Variants in RECK observed in about 807,000 individuals in gnomAD.
RECK encodes reversion-inducing cysteine-rich protein with Kazal motifs.
In RECK, 69 loss-of-function variants were observed where a neutral mutation model predicts 115.1. That is an observed-to-expected ratio of 0.60 (90% CI 0.49 to 0.73). The LOEUF is 0.73. Among genes scored for constraint, RECK ranks in the 30% least tolerant of loss-of-function variants. The pLI is 0.00. For missense variants in RECK, 1,047 were observed against 1,203.7 expected (o/e 0.87, Z 1.93); for synonymous variants, 414 against 419.7 (o/e 0.99, Z 0.17).
intron 3 of RECK, 107 bp downstream of exon 3, chr9:36,059,008 C>A: frequency 3.2e-6 from 2 of 626,022 alleles, no homozygotes; most frequent in African/African-American, 1.9e-5. Context: ...AATTTGTGGT[C>A]AAAATAAAAT....
chr9:36,107,105 C>CA (rs34425685), intron 13 of RECK, among the ~76,000 whole-genome samples: 3,773 of 82,136 alleles, frequency 0.046, 173 homozygotes, highest in African/African-American at 0.11. Flanking sequence ...GACTCCGTCT[C>CA]AAAAAAAAAA....
Position 36,037,120 on chromosome 9 carries a change from G to T in RECK, c.100+22G>T, listed in dbSNP as rs777450469. 6.0e-5 allele frequency: 76 copies of T among 1,270,968 alleles called. 1 individual carries two copies. Among genetic ancestry groups the T allele is most frequent in the South Asian group, 2.7e-5 (1 of 36,956 alleles). 78.7% of individuals were successfully genotyped at this position (1,270,968 alleles called of 1,614,324 possible). On this transcript the variant is annotated intron_variant, in intron 1 of 20. Transcript: ENST00000377966. ...GCGGGTGAGTAACCTCCAGAGCAAC[G>T]GTTCGAAGCTGTCGGGAGCGGCCGC...
At chr9:36,122,579 C>T (rs140772140) in intron 20 of RECK, among the ~76,000 whole-genome samples, 351 of 152,328 alleles carry the variant, frequency 2.3e-3, no homozygotes, top group African/African-American at 8.1e-3. Context: ...GCTAGGATTA[C>T]AGGCATGAGC....
chr9:36,072,527 C>T (rs538380408), intron 6 of RECK, among the ~76,000 whole-genome samples: 34 of 152,312 alleles, frequency 2.2e-4, no homozygotes, highest in African/African-American at 8.2e-4. Context: ...TCGTGTGATA[C>T]TTTGCCCCAG....
chr9:36,086,509 G>A (rs1822966778), intron 8 of RECK, among the ~76,000 whole-genome samples: 1 of 152,074 alleles, frequency 6.6e-6, no homozygotes, highest in Non-Finnish European at 1.5e-5. Flanking sequence ...AGAGTGAGCA[G>A]CAACAAGATT....
chr9:36,104,324 ATATTTTTTTT>A (rs1823708559), intron 12 of RECK, among the ~76,000 whole-genome samples: 1 of 50,210 alleles, frequency 2.0e-5, no homozygotes, highest in Non-Finnish European at 3.0e-5. Flanking sequence ...ATATATATAT[ATATTTTTTTT>A]TTTTTTTTTT....
intron 11 of RECK, among the ~76,000 whole-genome samples, chr9:36,101,738 G>T (rs553222332): frequency 8.5e-5 from 13 of 152,326 alleles, no homozygotes; most frequent in African/African-American, 2.4e-4. Flanking sequence ...AAAGAGGCAA[G>T]CAAGCAAACA....
chr9:36,088,877 G>A (rs982847921), intron 9 of RECK, among the ~76,000 whole-genome samples: 8 of 152,196 alleles, frequency 5.3e-5, no homozygotes, highest in African/African-American at 1.4e-4. Flanking sequence ...AAAATTTAGC[G>A]GGGCGTGGTG....
intron 9 of RECK, among the ~76,000 whole-genome samples, chr9:36,089,967 TACACACACACACAC>T (rs55678229): frequency 1.4e-5 from 2 of 143,798 alleles, no homozygotes; most frequent in African/African-American, 5.2e-5. Flanking sequence ...CTACTAAAAA[TACACACACACACAC>T]ACACACACAC....
chr9:36,080,236 A>G (rs558553280), intron 6 of RECK, among the ~76,000 whole-genome samples: 1 of 152,358 alleles, frequency 6.6e-6, no homozygotes, highest in South Asian at 2.1e-4. Context: ...CAGTGGTTAC[A>G]TGAAATATAT....
intron 10 of RECK, among the ~76,000 whole-genome samples, chr9:36,100,052 G>T (rs1823503671): frequency 6.6e-6 from 1 of 152,186 alleles, no homozygotes; most frequent in Admixed American, 6.5e-5. Context: ...TTTATGAAAT[G>T]AAATGGGATA....
intron 2 of RECK, among the ~76,000 whole-genome samples, chr9:36,056,077 C>G (rs149280048): frequency 2.0e-5 from 3 of 150,486 alleles, no homozygotes; most frequent in Admixed American, 2.0e-4. Context: ...GTAATAAACC[C>G]CCATATTCAG....
intron 1 of RECK, among the ~76,000 whole-genome samples, chr9:36,051,661 T>A (rs897868300): frequency 2.0e-5 from 3 of 152,218 alleles, no homozygotes; most frequent in African/African-American, 7.2e-5. Context: ...TCTCAGATGT[T>A]ACTCTTCTTT....
chr9:36,072,386 A>T (rs1822265505), intron 6 of RECK, among the ~76,000 whole-genome samples: 2 of 152,216 alleles, frequency 1.3e-5, no homozygotes, highest in African/African-American at 4.8e-5. Flanking sequence ...CCTAAGCTTC[A>T]GTGTGATTGG....
At chr9:36,096,877 T>C (rs1164680770) in intron 10 of RECK, among the ~76,000 whole-genome samples, 1 of 151,996 alleles carries the variant, frequency 6.6e-6, no homozygotes, top group Non-Finnish European at 1.5e-5. Flanking sequence ...GGTCAAGTCA[T>C]AGACTTGAGA....
At chr9:36,098,154 G>GT (rs1361733027) in intron 10 of RECK, among the ~76,000 whole-genome samples, 1 of 152,200 alleles carries the variant, frequency 6.6e-6, no homozygotes, top group Non-Finnish European at 1.5e-5. Flanking sequence ...GTTATACAAT[G>GT]TGGTAACTAT....
chr9:36,064,221 A>G (rs1052069780), intron 5 of RECK, among the ~76,000 whole-genome samples: 1 of 152,202 alleles, frequency 6.6e-6, no homozygotes, highest in Non-Finnish European at 1.5e-5. Flanking sequence ...CTTGGATGAG[A>G]ACATTTGACA....
In RECK at chr9:36,124,282, G is replaced by A. The variant is rs953436046; in HGVS notation, c.*1237G>A. On this transcript the variant is annotated 3_prime_UTR_variant, in exon 21 of 21. Transcript: ENST00000377966. Reference sequence around the variant, plus strand: ...TTATATGTACCCTCTGAAATACATAGGGATATGCGTATTATACCAAAATGT... The same window carrying A: ...TTATATGTACCCTCTGAAATACATAAGGATATGCGTATTATACCAAAATGT... 11 of 152,678 alleles carry A rather than the reference G, an allele frequency of 7.2e-5. No homozygotes were observed. The highest frequency in any genetic ancestry group is 2.4e-4 in the African/African-American group (10 of 41,542). 9.5% of individuals were successfully genotyped at this position (152,678 alleles called of 1,614,324 possible).
At chr9:36,099,595 C>T (rs1823484592) in intron 10 of RECK, among the ~76,000 whole-genome samples, 1 of 152,072 alleles carries the variant, frequency 6.6e-6, no homozygotes, top group Non-Finnish European at 1.5e-5. Context: ...ATCCTCCTGC[C>T]ACACCTCCTG....
Sources: allele counts gnomAD v4.1 joint callset (sites outside exome capture counted in the v4.1 genomes callset), GRCh38; gene constraint gnomAD v4.1.1; transcripts MANE v1.5; gene names NCBI Gene and HGNC (gene_info 2026-07-23, HGNC 2026-07-21).